KAZN: variants seen among roughly 807,000 people sequenced by gnomAD.
KAZN encodes the protein kazrin.
A neutral mutation model predicts 87.4 loss-of-function variants in KAZN; 40 were observed. The observed-to-expected ratio is 0.46, with a 90% CI of 0.36 to 0.60. KAZN has a LOEUF of 0.60. Among genes scored for constraint, KAZN ranks in the 20% least tolerant of loss-of-function variants. The pLI is 0.00. For missense variants in KAZN, 898 were observed against 1,073.9 expected, an observed-to-expected ratio of 0.84 and a Z score of 2.29; for synonymous variants, 466 against 458.3, an observed-to-expected ratio of 1.02 and a Z score of -0.22.
At chr1:14,187,241 G>A (rs1361555066) in intron 2 of KAZN, among the ~76,000 whole-genome samples, 2 of 151,924 alleles carry the variant, frequency 1.3e-5, no homozygotes, top group East Asian at 1.9e-4. Context: ...ATAGAAAGGG[G>A]GTATGTAATT....
intron 2 of KAZN, among the ~76,000 whole-genome samples, chr1:14,975,581 A>T (rs923582317): frequency 7.2e-5 from 11 of 152,180 alleles, no homozygotes; most frequent in African/African-American, 2.7e-4. Flanking sequence ...TAATTAATAA[A>T]GTTTTTATAT....
intron 1 of KAZN, among the ~76,000 whole-genome samples, chr1:14,792,428 G>C (rs1273747667): frequency 2.0e-5 from 3 of 152,178 alleles, no homozygotes; most frequent in African/African-American, 7.2e-5. Flanking sequence ...CAAACGTGGT[G>C]GCTTATGCTT....
At chr1:14,204,116 G>A (rs1646693284) in intron 2 of KAZN, among the ~76,000 whole-genome samples, 1 of 152,246 alleles carries the variant, frequency 6.6e-6, no homozygotes, top group South Asian at 2.1e-4. Context: ...AAGTAGGATA[G>A]TGCAGTTAAG....
intron 1 of KAZN, among the ~76,000 whole-genome samples, chr1:14,180,111 T>A (rs1420082739): frequency 1.3e-5 from 2 of 152,162 alleles, no homozygotes; most frequent in Non-Finnish European, 2.9e-5. Flanking sequence ...CATATTCATG[T>A]ATCTATTTAA....
chr1:14,952,032 A>G (rs1662546024), intron 1 of KAZN, among the ~76,000 whole-genome samples: 1 of 152,030 alleles, frequency 6.6e-6, no homozygotes, highest in Non-Finnish European at 1.5e-5. Context: ...TCAGGCGGGG[A>G]CCACCGCAAC....
At chr1:15,091,239 A>C (rs973635510) in intron 8 of KAZN, among the ~76,000 whole-genome samples, 1 of 152,162 alleles carries the variant, frequency 6.6e-6, no homozygotes, top group African/African-American at 2.4e-5. Context: ...TTCTCCACCT[A>C]GTATATTGTA....
intron 1 of KAZN, among the ~76,000 whole-genome samples, chr1:14,647,452 C>A (rs1557862205): frequency 6.6e-6 from 1 of 152,086 alleles, no homozygotes. Context: ...ACAGAAGGAC[C>A]AGTCAATTGT....
intron 1 of KAZN, among the ~76,000 whole-genome samples, chr1:14,762,336 A>C (rs921066325): frequency 6.6e-6 from 1 of 152,152 alleles, no homozygotes; most frequent in Non-Finnish European, 1.5e-5. Context: ...GGTAGTAGCC[A>C]TGAAGGAGGA....
intron 3 of KAZN, among the ~76,000 whole-genome samples, chr1:15,040,286 C>A (rs1367449827): frequency 6.6e-6 from 1 of 152,244 alleles, no homozygotes; most frequent in Non-Finnish European, 1.5e-5. Context: ...CTGGAACCCT[C>A]AGGTTCCCTC....
chr1:15,065,536 C>T, intron 7 of KAZN, 94 bp from the exon 8 acceptor site: 2 of 1,125,142 alleles, frequency 1.8e-6, no homozygotes, highest in Non-Finnish European at 2.6e-6. Flanking sequence ...AGGCCTTCCC[C>T]ACCCCGGATC....
In KAZN at chr1:14,198,524, G is replaced by A. The variant is rs1220011374; in HGVS notation, c.249+17932G>A. Among the ~76,000 whole-genome samples the A allele has an allele frequency of 3.3e-5, 5 of 152,234 alleles. No homozygotes were observed. The South Asian group carries it at 1.0e-3, about 32-fold the overall frequency. ...CTGAGGCACAAGAATCAATTGAACT[G>A]GGGAGGTGGAGATTGCGGTGAGCTG... On this transcript the variant is annotated intron_variant, in intron 2 of 16. Transcript: ENST00000636203.
rs1434558674 is a variant in KAZN, at chr1:15,099,811, C to T, written c.1548-1732C>T. ...AGCAAAGGCAGGAAACGGGGAGCAGCCGGGGAAAGTGGCAGAAACCCACAC... is the reference window on the plus strand; with the variant it reads ...AGCAAAGGCAGGAAACGGGGAGCAGTCGGGGAAAGTGGCAGAAACCCACAC... On this transcript the variant is annotated intron_variant, in intron 10 of 14. Transcript: ENST00000376030. This position sits in a 1 kb window ranked among gnomAD's most constrained non-coding sequence, Gnocchi z 5.4. 1.3e-5 allele frequency among the ~76,000 whole-genome samples: 2 copies of T among 152,140 alleles called. No homozygotes were observed. Among genetic ancestry groups the T allele is most frequent in the African/African-American group, 2.4e-5 (1 of 41,426 alleles).
chr1:14,640,059 G>T (rs531968061), intron 1 of KAZN, among the ~76,000 whole-genome samples: 1 of 152,184 alleles, frequency 6.6e-6, no homozygotes, highest in Non-Finnish European at 1.5e-5. Flanking sequence ...TCCACAAAAG[G>T]TTGTTCGAGA....
chr1:14,553,677 G>C (rs1187857796), intron 2 of KAZN, among the ~76,000 whole-genome samples: 1 of 152,176 alleles, frequency 6.6e-6, no homozygotes, highest in African/African-American at 2.4e-5. Context: ...CCCCTCTTGG[G>C]CTTGGGGCTC....
chr1:14,935,199 C>T (rs1386937619), intron 1 of KAZN, among the ~76,000 whole-genome samples: 1 of 152,220 alleles, frequency 6.6e-6, no homozygotes. Context: ...GCCAGTCTGG[C>T]CTGACTTCTC....
At chr1:14,623,067 C>T (rs547728937) in intron 1 of KAZN, among the ~76,000 whole-genome samples, 100 of 152,018 alleles carry the variant, frequency 6.6e-4, no homozygotes, top group Non-Finnish European at 1.2e-3. Context: ...CACAGAAAAT[C>T]GTAAAACAGA....
At chr1:14,861,070 G>A (rs1650788351) in intron 1 of KAZN, among the ~76,000 whole-genome samples, 1 of 152,174 alleles carries the variant, frequency 6.6e-6, no homozygotes, top group African/African-American at 2.4e-5. Flanking sequence ...AGTAATTGCA[G>A]TTTTTGCCAT....
At chr1:14,426,136 C>T (rs1211030940) in intron 2 of KAZN, among the ~76,000 whole-genome samples, 2 of 152,234 alleles carry the variant, frequency 1.3e-5, no homozygotes, top group Non-Finnish European at 2.9e-5. Flanking sequence ...TTAAGCTCTT[C>T]CTCAGACACA....
At chr1:14,623,895 CAT>C (rs1678906956) in intron 1 of KAZN, among the ~76,000 whole-genome samples, 1 of 152,066 alleles carries the variant, frequency 6.6e-6, no homozygotes, top group Admixed American at 6.5e-5. Context: ...GTGGTCAAAA[CAT>C]ATATTTTGTG....
Sources: gnomAD v4.1 joint callset for allele counts (sites outside exome capture counted in the v4.1 genomes callset) on GRCh38, gnomAD v4.1.1 for gene constraint, Gnocchi (gnomAD v3.1) non-coding constraint, MANE v1.5 for transcripts, NCBI Gene and HGNC (gene_info 2026-07-23, HGNC 2026-07-21) for gene names.